SPATA6: variants seen among roughly 807,000 people sequenced by gnomAD.
SPATA6 encodes spermatogenesis-associated protein 6.
SPATA6 carries 56 observed loss-of-function variants against 65.3 expected under a neutral mutation model. That is an observed-to-expected ratio of 0.86 (90% CI 0.69 to 1.07). The LOEUF is 1.07. Among genes scored for constraint, SPATA6 ranks in the 50% least tolerant of loss-of-function variants. The pLI is 0.00. For synonymous variants in SPATA6, 199 were observed against 213.2 expected (o/e 0.93, Z 0.58); for missense variants, 590 against 594.8 (o/e 0.99, Z 0.08).
At chr1:48,330,544 T>C (rs1396444593) in intron 11 of SPATA6, among the ~76,000 whole-genome samples, 1 of 152,214 alleles carries the variant, frequency 6.6e-6, no homozygotes, top group Non-Finnish European at 1.5e-5. Context: ...CAGCCTCCTG[T>C]TGTTCTGAGA....
At chr1:48,436,495 C>A in intron 3 of SPATA6, 2 of 1,609,980 alleles carry the variant, frequency 1.2e-6, no homozygotes, top group South Asian at 2.2e-5. Context: ...CTATCTGTAC[C>A]AAAATGGCTG....
In SPATA6 at chr1:48,363,661, T is replaced by A. The variant is rs77114136; in HGVS notation, c.910-3891A>T. Among the ~76,000 whole-genome samples, 164 of 152,118 alleles carry A rather than the reference T, an allele frequency of 1.1e-3. 1 individual carries two copies. The East Asian group carries it at 0.029, about 27-fold the overall frequency. Reference sequence around the variant, plus strand: ...ACTTTCTATGAACCCACAAATGCAATACTTTCAATATGGCAAATGCTAAAA... The same window carrying A: ...ACTTTCTATGAACCCACAAATGCAAAACTTTCAATATGGCAAATGCTAAAA... On this transcript the variant is annotated intron_variant, in intron 9 of 12. Transcript: ENST00000371847.
chr1:48,363,410 G>A lies in SPATA6; in HGVS notation c.910-3640C>T, dbSNP rs552490508. ...AAAAACTTAAGTTCAAATCCCTGCT[G>A]TTTATGAGACCCTGAGCAAGTCATT... On this transcript the variant is annotated intron_variant, in intron 9 of 12. Coordinates refer to ENST00000371847, the MANE Select transcript of SPATA6 (RefSeq NM_019073.4). Among the ~76,000 whole-genome samples the A allele has an allele frequency of 2.6e-5, 4 of 152,186 alleles. No homozygotes were observed. The East Asian group carries it at 5.8e-4, about 22-fold the overall frequency.
At chr1:48,425,094 T>A (rs894492503) in intron 3 of SPATA6, among the ~76,000 whole-genome samples, 1 of 152,176 alleles carries the variant, frequency 6.6e-6, no homozygotes, top group African/African-American at 2.4e-5. Flanking sequence ...CTTTCCCCAA[T>A]GTTTTCCTGT....
chr1:48,290,532 A>G (rs1037922741), downstream of SPATA6, among the ~76,000 whole-genome samples: 1 of 152,192 alleles, frequency 6.6e-6, no homozygotes, highest in African/African-American at 2.4e-5. Flanking sequence ...AAATGCTCCA[A>G]TTAAAAGACA....
chr1:48,422,115 T>C (rs1230561604), intron 3 of SPATA6, among the ~76,000 whole-genome samples: 2 of 152,020 alleles, frequency 1.3e-5, no homozygotes, highest in South Asian at 2.1e-4. Flanking sequence ...TGGGAGAGTA[T>C]AGAAAGGGTG....
chr1:48,458,639 AG>A (rs1657184395), intron 1 of SPATA6, among the ~76,000 whole-genome samples: 1 of 152,344 alleles, frequency 6.6e-6, no homozygotes, highest in African/African-American at 2.4e-5. Flanking sequence ...ACGTGCTACA[AG>A]AGGGATGAAC....
At chr1:48,469,048 G>C (rs1400722526) in intron 1 of SPATA6, among the ~76,000 whole-genome samples, 1 of 152,144 alleles carries the variant, frequency 6.6e-6, no homozygotes, top group East Asian at 1.9e-4. Context: ...GCATACTACA[G>C]CTTCAAACTC....
chr1:48,328,748 T>C (rs896961567), intron 11 of SPATA6, among the ~76,000 whole-genome samples: 1 of 152,180 alleles, frequency 6.6e-6, no homozygotes, highest in African/African-American at 2.4e-5. Flanking sequence ...AATTGTATAG[T>C]AGGTGAATTA....
chr1:48,266,828 T>A, the SPATA6 span, among the ~76,000 whole-genome samples: 2 of 152,304 alleles, frequency 1.3e-5, no homozygotes, highest in African/African-American at 4.8e-5. Flanking sequence ...AAACACATTC[T>A]TTATGCAGCA....
At chr1:48,407,060 A>G (rs556058135) in intron 5 of SPATA6, among the ~76,000 whole-genome samples, 1 of 152,306 alleles carries the variant, frequency 6.6e-6, no homozygotes, top group South Asian at 2.1e-4. Flanking sequence ...TAGATTTAGA[A>G]CTGCCAATTT....
At chr1:48,304,149 A>T (rs1401605430) in intron 12 of SPATA6, among the ~76,000 whole-genome samples, 1 of 152,228 alleles carries the variant, frequency 6.6e-6, no homozygotes, top group Non-Finnish European at 1.5e-5. Flanking sequence ...AAACTAAAAT[A>T]ATATCCTAAT....
intron 11 of SPATA6, chr1:48,325,413 C>G: frequency 7.4e-7 from 1 of 1,357,870 alleles, no homozygotes; most frequent in Non-Finnish European, 1.1e-6. Context: ...AGGGCCCTCC[C>G]CCAGCTTCTT....
chr1:48,330,400 A>C (rs1265772705), intron 11 of SPATA6, among the ~76,000 whole-genome samples: 1 of 152,084 alleles, frequency 6.6e-6, no homozygotes, highest in Non-Finnish European at 1.5e-5. Flanking sequence ...TGCGGCTTCC[A>C]GTTATCACAG....
At chr1:48,313,463 G>A (rs1296444265) in intron 11 of SPATA6, among the ~76,000 whole-genome samples, 1 of 152,120 alleles carries the variant, frequency 6.6e-6, no homozygotes, top group East Asian at 1.9e-4. Context: ...AAGTGAAGGA[G>A]AAATAAAATC....
rs369936522 is a variant in SPATA6, at chr1:48,348,902, T to C, written c.1194+6768A>G. 3.9e-5 allele frequency among the ~76,000 whole-genome samples: 6 copies of C among 152,096 alleles called. No individual in the cohort carries two copies. The East Asian group carries it at 1.2e-3, about 29-fold the overall frequency. On this transcript the variant is annotated intron_variant, in intron 11 of 12. Transcript: ENST00000371847. The stretch of plus-strand genomic sequence containing the variant: ...ACATTCTTTTTCTGACAATGAGAAA[T>C]CTACTGTCTTTATCTACAGTTTATT...
intron 9 of SPATA6, among the ~76,000 whole-genome samples, chr1:48,372,153 AC>A (rs1422938261): frequency 6.6e-6 from 1 of 152,046 alleles, no homozygotes; most frequent in Non-Finnish European, 1.5e-5. Flanking sequence ...TTTAGCATTA[AC>A]CCAAAAGTCC....
chr1:48,442,105 A>G (rs1176341814), intron 3 of SPATA6, among the ~76,000 whole-genome samples: 1 of 151,958 alleles, frequency 6.6e-6, no homozygotes, highest in African/African-American at 2.4e-5. Context: ...AACCTATATA[A>G]CGATGGAAGT....
chr1:48,293,891 G>C (rs1644784083), downstream of SPATA6, among the ~76,000 whole-genome samples: 2 of 152,150 alleles, frequency 1.3e-5, no homozygotes, highest in East Asian at 3.9e-4. Flanking sequence ...ATGTCTTGCA[G>C]ATTGCCTGGA....
Sources: allele counts gnomAD v4.1 joint callset (sites outside exome capture counted in the v4.1 genomes callset), GRCh38; gene constraint gnomAD v4.1.1; transcripts MANE v1.5; gene names NCBI Gene and HGNC (gene_info 2026-07-23, HGNC 2026-07-21).